The following PTPN12 variants were observed in gnomAD, a reference collection of about 807,000 sequenced individuals.
PTPN12 encodes the protein protein tyrosine phosphatase non-receptor type 12.
In PTPN12, 29 loss-of-function variants were observed where a neutral mutation model predicts 97.6. The ratio of observed to expected loss-of-function variants is 0.30; its 90% CI spans 0.22 to 0.41. The LOEUF is 0.41. Ranked by LOEUF, PTPN12 falls within the 10% of genes least tolerant of loss-of-function variation. PTPN12 has a pLI of 1.00. For synonymous variants in PTPN12, 327 were observed against 300.4 expected, an observed-to-expected ratio of 1.09 and a Z score of -0.91; for missense variants, 819 against 926.0, an observed-to-expected ratio of 0.88 and a Z score of 1.50.
intron 3 of PTPN12, among the ~76,000 whole-genome samples, chr7:77,582,084 C>CTTTTTTTTT (rs11341609): frequency 0.033 from 1,756 of 52,892 alleles, 407 homozygotes; most frequent in Non-Finnish European, 0.039. Flanking sequence ...CAGTCAAGTT[C>CTTTTTTTTT]TTTTTTTTTT....
chr7:77,595,015 A>T (rs1584162227), intron 6 of PTPN12, among the ~76,000 whole-genome samples: 2 of 152,232 alleles, frequency 1.3e-5, no homozygotes, highest in Admixed American at 1.3e-4. Flanking sequence ...TTTCAATTAA[A>T]CTAAAAGGTA....
At chr7:77,544,278 G>A (rs529554700) in intron 1 of PTPN12, among the ~76,000 whole-genome samples, 2 of 152,324 alleles carry the variant, frequency 1.3e-5, no homozygotes, top group South Asian at 4.1e-4. Context: ...TTCAAAGCTA[G>A]AGTGATAGGA....
chr7:77,607,530 C>T (rs1453473638), intron 9 of PTPN12, among the ~76,000 whole-genome samples: 1 of 151,764 alleles, frequency 6.6e-6, no homozygotes, highest in Non-Finnish European at 1.5e-5. Flanking sequence ...CCCTGGGGCT[C>T]GAGACCAGCC....
chr7:77,637,061 AT>A lies in PTPN12; in HGVS notation c.2173+23del, dbSNP rs374113909. The A allele has an allele frequency of 1.2e-3, 1,857 of 1,533,932 alleles. 3 individuals carry two copies. The highest frequency in any genetic ancestry group is 5.2e-3 in the African/African-American group (377 of 72,534). On this transcript the variant is annotated intron_variant, in intron 16 of 17. Coordinates refer to ENST00000248594, the MANE Select transcript of PTPN12 (RefSeq NM_002835.4). ...AATGAGAAATGTGGTAAGTTGTTAG[AT>A]TTTTTTTTTCCTTTTTACTGTAGAT...
chr7:77,615,261 AT>A (rs981246599), intron 11 of PTPN12, among the ~76,000 whole-genome samples: 3 of 151,908 alleles, frequency 2.0e-5, no homozygotes, highest in Admixed American at 6.6e-5. Context: ...TGAATTCTGG[AT>A]TTTTTTTCCT....
At chr7:77,631,684 A>T (rs532887614) in intron 13 of PTPN12, among the ~76,000 whole-genome samples, 1 of 152,216 alleles carries the variant, frequency 6.6e-6, no homozygotes, top group African/African-American at 2.4e-5. Context: ...AAAAACCTGT[A>T]TATAGCTTCA....
intron 2 of PTPN12, among the ~76,000 whole-genome samples, chr7:77,572,833 CCAG>C (rs1787191358): frequency 6.6e-6 from 1 of 151,880 alleles, no homozygotes; most frequent in Admixed American, 6.6e-5. Flanking sequence ...GCCTATAATC[CCAG>C]CACTTTGGGA....
At chr7:77,542,987 A>C (rs185266404) in intron 1 of PTPN12, among the ~76,000 whole-genome samples, 162 of 152,282 alleles carry the variant, frequency 1.1e-3, no homozygotes, top group African/African-American at 3.6e-3. Flanking sequence ...TCAGTCTTAA[A>C]ATAACAGCCA....
At chr7:77,615,752 A>G (rs530445656) in intron 11 of PTPN12, among the ~76,000 whole-genome samples, 8 of 152,274 alleles carry the variant, frequency 5.3e-5, no homozygotes, top group African/African-American at 1.7e-4. Flanking sequence ...TTCCATTTCA[A>G]AAGTTGGTGA....
chr7:77,627,444 C>T lies in PTPN12; in HGVS notation c.1765C>T (p.Pro589Ser), dbSNP rs1468737565. 3 of 1,614,046 alleles carry T rather than the reference C, an allele frequency of 1.9e-6. No individual in the cohort carries two copies. Among genetic ancestry groups the T allele is most frequent in the Admixed American group, 1.7e-5 (1 of 60,004 alleles). ...PDLVDHDNTS[P>S]LFRTPLSFTN... The stretch of plus-strand genomic sequence containing the variant: ...TCTTGTGGATCATGATAACACTTCA[C>T]CACTCTTCAGAACACCCCTCAGTTT... The change falls in exon 13 of 18, where the codon CCA becomes TCA. Residue 589 changes from proline to serine, a missense_variant. Coordinates refer to ENST00000248594, the MANE Select transcript of PTPN12 (RefSeq NM_002835.4).
At chr7:77,604,356 T>C (rs1584177318) in intron 8 of PTPN12, among the ~76,000 whole-genome samples, 3 of 151,322 alleles carry the variant, frequency 2.0e-5, no homozygotes, top group Non-Finnish European at 4.4e-5. Context: ...GCTGGGATTA[T>C]AGGCATGCAC....
intron 6 of PTPN12, among the ~76,000 whole-genome samples, chr7:77,595,025 A>G (rs1001531270): frequency 8.5e-5 from 13 of 152,328 alleles, no homozygotes; most frequent in Admixed American, 5.9e-4. Flanking sequence ...ACTAAAAGGT[A>G]TATCTCTATA....
chr7:77,537,657 C>T lies in PTPN12; in HGVS notation c.99+12C>T, dbSNP rs756606838. 22 of 1,580,600 alleles carry T rather than the reference C, an allele frequency of 1.4e-5. No individual in the cohort carries two copies. In the South Asian group the frequency reaches 1.8e-4, roughly 13 times the overall value. The stretch of plus-strand genomic sequence containing the variant: ...CCCGGGACTTCATGGTGAGTCTCTC[C>T]CCTCGCTGTCGCGTTTTCTTGCCGG... On this transcript the variant is annotated intron_variant, in intron 1 of 17. Coordinates refer to ENST00000248594, the MANE Select transcript of PTPN12 (RefSeq NM_002835.4).
intron 5 of PTPN12, among the ~76,000 whole-genome samples, chr7:77,585,985 G>A (rs375251108): frequency 2.0e-5 from 3 of 151,882 alleles, no homozygotes; most frequent in Middle Eastern, 3.2e-3. Flanking sequence ...ACAGAGTCTC[G>A]CTCTGTTGCC....
At chr7:77,538,029 A>T (rs1381233612) in intron 1 of PTPN12, 1 of 1,014,904 alleles carries the variant, frequency 9.9e-7, no homozygotes, top group Non-Finnish European at 1.2e-6. Flanking sequence ...CGCTCCTCCC[A>T]GGAGGGTCGA....
At chr7:77,550,020 T>C (rs1257551510) in intron 1 of PTPN12, among the ~76,000 whole-genome samples, 2 of 152,238 alleles carry the variant, frequency 1.3e-5, no homozygotes, top group South Asian at 2.1e-4. Flanking sequence ...ATAGTTCTTT[T>C]AGTTCATGAA....
rs928563291 is a variant in PTPN12 at position 77,632,379 on chromosome 7, C to T, written c.2028C>T (p.Pro676=). ...ATGTTAGTGAAGATTCACCTCCTCC[C>T]CTACCTGAAAGAACTCCTGAATCGT... The part of the protein sequence containing the change: ...DVDVSEDSPP[P]LPERTPESFV... Residue 676 remains proline, a synonymous_variant, in exon 14 of 18, where the codon CCC becomes CCT. Coordinates refer to ENST00000248594, the MANE Select transcript of PTPN12 (RefSeq NM_002835.4). 1 of 1,610,856 alleles carries T rather than the reference C, an allele frequency of 6.2e-7. No homozygotes were observed. The highest frequency in any genetic ancestry group is 2.2e-5 in the East Asian group (1 of 44,814).
At chr7:77,632,726 G>A (rs1789445621) in intron 14 of PTPN12, among the ~76,000 whole-genome samples, 1 of 152,168 alleles carries the variant, frequency 6.6e-6, no homozygotes, top group Non-Finnish European at 1.5e-5. Context: ...GGAGGCCTAG[G>A]CAGGTGGATC....
Position 77,611,035 on chromosome 7 carries a change from G to T in PTPN12, c.928G>T (p.Ala310Ser). 6.2e-7 allele frequency: 1 copy of T among 1,611,586 alleles called. No homozygotes were observed. The highest frequency in any genetic ancestry group is 1.1e-5 in the South Asian group (1 of 90,854). ...TGAAATTCATGGAGCTCAGAAAATT[G>T]CTGATGGAGTGGTAGGTGTTCTTGG... ...LYEIHGAQKI[A>S]DGVNEINTEN... is the part of the protein sequence containing the mutation. Residue 310 changes from alanine (A) to serine (S), a missense_variant, in exon 11 of 18, where the codon GCT becomes TCT. Coordinates refer to ENST00000248594, the MANE Select transcript of PTPN12 (RefSeq NM_002835.4).
Sources: gnomAD v4.1 joint callset for allele counts (sites outside exome capture counted in the v4.1 genomes callset) on GRCh38, gnomAD v4.1.1 for gene constraint, MANE v1.5 for transcripts, NCBI Gene and HGNC (gene_info 2026-07-23, HGNC 2026-07-21) for gene names.